The following SIRT2 variants were observed in gnomAD, a reference collection of about 807,000 sequenced individuals.
SIRT2 encodes the protein sirtuin 2, also known as NAD-dependent protein deacetylase sirtuin-2.
In SIRT2, 40 loss-of-function variants were observed where a neutral mutation model predicts 57.4. The ratio of observed to expected loss-of-function variants is 0.70; its 90% CI spans 0.54 to 0.91. The LOEUF (loss-of-function observed/expected upper bound fraction) is 0.91. SIRT2 is among the 40% of genes least tolerant of loss of function. The pLI is 0.00. For missense variants in SIRT2, 439 were observed against 510.4 expected (o/e 0.86, Z 1.35); for synonymous variants, 161 against 195.7 (o/e 0.82, Z 1.48).
chr19:38,881,348 G>A lies in SIRT2; in HGVS notation c.691+84C>T, dbSNP rs75001628. ...GAGACAGAGGTGGCCAGATGTGTGCGGGTGTGGCCTTTGGGAGGGGGTCAG... is the reference window on the plus strand; with the variant it reads ...GAGACAGAGGTGGCCAGATGTGTGCAGGTGTGGCCTTTGGGAGGGGGTCAG... On this transcript the variant is annotated intron_variant, in intron 10 of 15. Coordinates refer to ENST00000249396, the MANE Select transcript of SIRT2 (RefSeq NM_012237.4). The A allele has an allele frequency of 1.6e-3, 2,089 of 1,299,032 alleles. 28 individuals are homozygous for A. In the African/African-American group the frequency reaches 0.027, roughly 17 times the overall value. The allele number at this position is 1,299,032 out of a possible 1,614,324, so 80.5% of individuals were successfully genotyped here.
In SIRT2 at chr19:38,879,296, G is replaced by C. The variant is rs757518230; in HGVS notation, c.1029C>G (p.Asp343Glu). Residue 343 changes from aspartate to glutamate, a missense_variant, in exon 16 of 16, where the codon GAC becomes GAG. By Grantham distance (45) the Asp-to-Glu change is conservative. Coordinates refer to ENST00000249396, the MANE Select transcript of SIRT2 (RefSeq NM_012237.4). The part of the protein sequence containing the change: ...ELLGWKKELE[D>E]LVRREHASID... ...TGCTGGCGTGCTCCCTCCGGACAAG[G>C]TCCTCCAGCTCCTTCTGCAGGAGCA... 1 of 1,613,366 alleles carries C rather than the reference G, an allele frequency of 6.2e-7. No homozygotes were observed. Among genetic ancestry groups the C allele is most frequent in the Admixed American group, 1.7e-5 (1 of 59,924 alleles).
At chr19:38,885,495 G>A (rs560909572) in intron 8 of SIRT2, among the ~76,000 whole-genome samples, 1 of 149,416 alleles carries the variant, frequency 6.7e-6, no homozygotes, top group African/African-American at 2.5e-5. Flanking sequence ...GCGCTATCTC[G>A]GCTCACTGCA....
chr19:38,880,960 C>G lies in SIRT2; in HGVS notation c.748-63G>C. 1 of 1,566,810 alleles carries G rather than the reference C, an allele frequency of 6.4e-7. No individual in the cohort carries two copies. The highest frequency in any genetic ancestry group is 8.8e-7 in the Non-Finnish European group (1 of 1,140,730). ...GGCTGCGCCACCGCTCCCTCCCCCG[C>G]CCCCAGCAGCAAACCTCCCTGCCGC... On this transcript the variant is annotated intron_variant, in intron 11 of 15. Transcript: ENST00000249396. This position sits in a 1 kb window ranked among gnomAD's most constrained non-coding sequence, Gnocchi z 4.1.
intron 8 of SIRT2, among the ~76,000 whole-genome samples, chr19:38,885,395 A>G (rs894264538): frequency 6.7e-6 from 1 of 150,142 alleles, no homozygotes; most frequent in African/African-American, 2.5e-5. Flanking sequence ...GTGAGACACC[A>G]TGCCCAGCCA....
intron 4 of SIRT2, among the ~76,000 whole-genome samples, chr19:38,892,659 C>T (rs575231656): frequency 6.6e-6 from 1 of 152,110 alleles, no homozygotes; most frequent in East Asian, 1.9e-4. Flanking sequence ...CTGCAGCCTC[C>T]AATTCCTGGG....
At chr19:38,885,860 ATTACAG>A in intron 8 of SIRT2, among the ~76,000 whole-genome samples, 1 of 152,084 alleles carries the variant, frequency 6.6e-6, no homozygotes, top group Admixed American at 6.6e-5. Flanking sequence ...AAGTGCTGGG[ATTACAG>A]GTGTGAGCCA....
Position 38,890,283 on chromosome 19 carries a change from A to G in SIRT2, c.227-139T>C, listed in dbSNP as rs1023709182. On this transcript the variant is annotated intron_variant, in intron 4 of 15. Coordinates refer to ENST00000249396, the MANE Select transcript of SIRT2 (RefSeq NM_012237.4). ...TCTCAGATGCATGACGGGCCTTCCA[A>G]TCATCTAGACGGGGATGGTGTTAAC... 6.4e-6 allele frequency: 5 copies of G among 777,680 alleles called. No individual in the cohort carries two copies. The African/African-American group carries it at 8.6e-5, about 13-fold the overall frequency. The allele number at this position is 777,680 out of a possible 1,614,324, so 48.2% of individuals were successfully genotyped here. A position where few individuals can be genotyped will look rare whatever the true frequency, so the allele number is the denominator to read the frequency against.
Position 38,890,100 on chromosome 19 carries a change from TA to T in SIRT2, c.268+2del. The T allele has an allele frequency of 1.9e-6, 3 of 1,614,100 alleles. No homozygotes were observed. The highest frequency in any genetic ancestry group is 2.5e-6 in the Non-Finnish European group (3 of 1,180,004). ...TAGCTGCTGGGGGAGAAGGGTTACT[TA>T]CATGTGGAGATTCCAGCTCCCACCA... On this transcript the variant is annotated splice_donor_variant, in intron 5 of 15. Coordinates refer to ENST00000249396, the MANE Select transcript of SIRT2 (RefSeq NM_012237.4). LOFTEE classifies it high-confidence loss of function.
chr19:38,889,232 CTAGGCA>C, intron 7 of SIRT2, 77 bp from the exon 8 acceptor site: 1 of 1,370,282 alleles, frequency 7.3e-7, no homozygotes, highest in Non-Finnish European at 1.0e-6. Context: ...AGGAACTGTT[CTAGGCA>C]CTGTGACTGT....
At chr19:38,889,363 C>T (rs562064545) in intron 7 of SIRT2, 107 of 716,618 alleles carry the variant, frequency 1.5e-4, no homozygotes, top group Middle Eastern at 2.3e-4. Context: ...CAAAGTCACA[C>T]GGTGGGTAAG....
At chr19:38,888,100 T>A (rs1465311691) in intron 8 of SIRT2, among the ~76,000 whole-genome samples, 4 of 152,086 alleles carry the variant, frequency 2.6e-5, no homozygotes, top group African/African-American at 9.7e-5. Context: ...AGAGCTTGAA[T>A]TAATACTGTT....
At chr19:38,882,928 C>T (rs1256198931) in intron 9 of SIRT2, among the ~76,000 whole-genome samples, 4 of 152,112 alleles carry the variant, frequency 2.6e-5, no homozygotes, top group Non-Finnish European at 5.9e-5. Flanking sequence ...GGGCACTCAG[C>T]TGGCATTTTA....
chr19:38,880,363 C>G lies in SIRT2; in HGVS notation c.876+322G>C. 1 of 315,604 alleles carries G rather than the reference C, an allele frequency of 3.2e-6. No homozygotes were observed. Among genetic ancestry groups the G allele is most frequent in the Non-Finnish European group, 5.8e-6 (1 of 172,876 alleles). 19.6% of individuals were successfully genotyped at this position (315,604 alleles called of 1,614,324 possible). ...GTGAGGCTGCCCAGGAAAAACAGAC[C>G]TGAGAGACCCAGAGCGTGGACCCAA... On this transcript the variant is annotated intron_variant, in intron 13 of 15. Coordinates refer to ENST00000249396, the MANE Select transcript of SIRT2 (RefSeq NM_012237.4). This position sits in a 1 kb window ranked among gnomAD's most constrained non-coding sequence, Gnocchi z 4.1.
chr19:38,883,644 G>A lies in SIRT2; in HGVS notation c.614C>T (p.Pro205Leu), dbSNP rs776137646. ...AGCCTCACCTTTCATCCAGCTTAGC[G>A]GGTATTCGTGCCGGCAGCTGGCGCT... ...CVSASCRHEY[P>L]LSWMKEKIFS... is the part of the protein sequence containing the mutation. Residue 205 changes from proline to leucine, a missense_variant, in exon 9 of 16, where the codon CCG (proline) becomes CTG (leucine). Pro to Leu is a moderately conservative substitution (Grantham distance 98). Coordinates refer to ENST00000249396, the MANE Select transcript of SIRT2 (RefSeq NM_012237.4). 34 of 1,613,984 alleles carry A rather than the reference G, an allele frequency of 2.1e-5. No homozygotes were observed. Among genetic ancestry groups the A allele is most frequent in the East Asian group, 1.1e-4 (5 of 44,878 alleles).
intron 2 of SIRT2, among the ~76,000 whole-genome samples, chr19:38,897,307 C>G (rs1973746963): frequency 6.6e-6 from 1 of 152,176 alleles, no homozygotes; most frequent in Admixed American, 6.5e-5. Context: ...TTCATGCCCC[C>G]CAGGTCTTTG....
Position 38,879,461 on chromosome 19 carries a change from C to A in SIRT2, c.987G>T (p.Leu329=), listed in dbSNP as rs144472597. The A allele has an allele frequency of 7.6e-4, 1,222 of 1,601,952 alleles. 8 individuals carry two copies. In the African/African-American group the frequency reaches 0.013, roughly 17 times the overall value. ...TCCATCCAAGGAGCTCAGCAAGGGC[C>A]AGGCAGCCCTGGTCGCATTCACCCA... ...AWLGECDQGC[L]ALAELLGWKK... Residue 329 remains leucine, a synonymous_variant, in exon 15 of 16, where the codon CTG becomes CTT. Coordinates refer to ENST00000249396, the MANE Select transcript of SIRT2 (RefSeq NM_012237.4).
intron 4 of SIRT2, chr19:38,891,671 C>T (rs530031091): frequency 1.1e-3 from 361 of 330,238 alleles, no homozygotes; most frequent in Middle Eastern, 0.01. Context: ...TGGCCTCAAG[C>T]GATCCTCCTG....
chr19:38,887,292 C>T (rs779823852), intron 8 of SIRT2, among the ~76,000 whole-genome samples: 59 of 152,222 alleles, frequency 3.9e-4, no homozygotes, highest in Non-Finnish European at 6.8e-4. Flanking sequence ...ACTCAGTGAA[C>T]ATTTACTTTG....
chr19:38,889,214 C>G, intron 7 of SIRT2, 59 bp from the exon 8 acceptor site: 2 of 1,491,556 alleles, frequency 1.3e-6, no homozygotes, highest in Admixed American at 1.7e-5. Context: ...AGGCCACTGC[C>G]GCATGCCAGG....
Sources: gnomAD v4.1 joint callset for allele counts (sites outside exome capture counted in the v4.1 genomes callset) on GRCh38, gnomAD v4.1.1 for gene constraint, Gnocchi (gnomAD v3.1) non-coding constraint, MANE v1.5 for transcripts, NCBI Gene and HGNC (gene_info 2026-07-23, HGNC 2026-07-21) for gene names.